The following CD84 variants were observed in gnomAD, a reference collection of about 807,000 sequenced individuals.
CD84 encodes SLAM family member 5.
In CD84, 22 loss-of-function variants were observed where a neutral mutation model predicts 33.8. That is an observed-to-expected ratio of 0.65 (90% CI 0.46 to 0.93). The LOEUF (loss-of-function observed/expected upper bound fraction) is 0.93. Among genes scored for constraint, CD84 ranks in the 40% least tolerant of loss-of-function variants. The pLI, the probability that CD84 is intolerant of heterozygous loss-of-function variation, is 0.00. For missense variants in CD84, 400 were observed against 397.6 expected, an observed-to-expected ratio of 1.01 and a Z score of -0.05; for synonymous variants, 154 against 145.2, an observed-to-expected ratio of 1.06 and a Z score of -0.44.
At chr1:160,562,246 G>A (rs1657019331) in intron 2 of CD84, among the ~76,000 whole-genome samples, 1 of 151,582 alleles carries the variant, frequency 6.6e-6, no homozygotes, top group Non-Finnish European at 1.5e-5. Flanking sequence ...TCATATGGAT[G>A]AAAAAGAGCC....
intron 1 of CD84, among the ~76,000 whole-genome samples, chr1:160,577,886 A>G (rs951409110): frequency 2.0e-5 from 3 of 152,196 alleles, no homozygotes; most frequent in African/African-American, 7.2e-5. Context: ...ACAATTCACT[A>G]CTAGCTGATT....
chr1:160,571,895 T>C lies in CD84; in HGVS notation c.47-6150A>G, dbSNP rs1222762648. On this transcript the variant is annotated intron_variant, in intron 1 of 6. Coordinates refer to ENST00000368054, the MANE Select transcript of CD84 (RefSeq NM_003874.4). ...CTCTGGTATGCAGAACAGCACAAGA[T>C]ACACAGGCTACTAATGCTTGTCATG... Among the ~76,000 whole-genome samples, 5 of 151,992 alleles carry C rather than the reference T, an allele frequency of 3.3e-5. 1 individual carries two copies. The highest frequency in any genetic ancestry group is 7.4e-5 in the Non-Finnish European group (5 of 68,000).
chr1:160,563,684 T>C (rs1484392927), intron 2 of CD84, among the ~76,000 whole-genome samples: 2 of 152,148 alleles, frequency 1.3e-5, no homozygotes, highest in Admixed American at 6.5e-5. Flanking sequence ...CAAACCACCA[T>C]GGCACACATT....
rs763772295 is a variant in CD84, at chr1:160,553,893, A to G, written c.640+2T>C. The G allele has an allele frequency of 6.2e-7, 1 of 1,614,196 alleles. No homozygotes were observed. The highest frequency in any genetic ancestry group is 1.7e-5 in the Admixed American group (1 of 60,024). On this transcript the variant is annotated splice_donor_variant, in intron 3 of 6. Coordinates refer to ENST00000368054, the MANE Select transcript of CD84 (RefSeq NM_003874.4). LOFTEE classifies it high-confidence loss of function. ...CCAGGAGAGATGGGCAGAGCTGGTT[A>G]CCTGCACAGAGCTGCCGGGCAGAGA...
intron 3 of CD84, 105 bp from the exon 4 acceptor site, chr1:160,553,602 G>T: frequency 2.2e-6 from 3 of 1,337,012 alleles, no homozygotes; most frequent in Non-Finnish European, 2.1e-6. Flanking sequence ...GGTGCCCTCC[G>T]AAGGAGTGCC....
rs1655711348 is a variant in CD84 at position 160,544,462 on chromosome 1, A to G, written c.*3794T>C. On this transcript the variant is annotated 3_prime_UTR_variant, in exon 7 of 7. Coordinates refer to ENST00000368054, the MANE Select transcript of CD84 (RefSeq NM_003874.4). ...GCCTGGCCTTCAAGCTTCATTTTACAATCAGTAGACACTGTCACTAATTAT... is the reference window on the plus strand; with the variant it reads ...GCCTGGCCTTCAAGCTTCATTTTACGATCAGTAGACACTGTCACTAATTAT... 6.6e-6 allele frequency: 1 copy of G among 152,174 alleles called. No individual in the cohort carries two copies. Among genetic ancestry groups the G allele is most frequent in the Non-Finnish European group, 1.5e-5 (1 of 68,040 alleles). The allele number at this position is 152,174 out of a possible 1,614,324, so 9.4% of individuals were successfully genotyped here. A position where few individuals can be genotyped will look rare whatever the true frequency, so the allele number is the denominator to read the frequency against.
intron 1 of CD84, among the ~76,000 whole-genome samples, chr1:160,567,701 T>A (rs775621017): frequency 6.6e-6 from 1 of 151,960 alleles, no homozygotes; most frequent in Admixed American, 6.6e-5. Context: ...AAATAAGCCA[T>A]TGGGGTAGCG....
chr1:160,557,265 G>A (rs993393216), intron 2 of CD84, among the ~76,000 whole-genome samples: 1 of 152,122 alleles, frequency 6.6e-6, no homozygotes, highest in Non-Finnish European at 1.5e-5. Flanking sequence ...GCTGTCCATC[G>A]GTATAGAAAC....
In CD84 at chr1:160,565,519, G is replaced by A. The variant is rs41266919; in HGVS notation, c.273C>T (p.Asn91=). 4,039 of 1,614,020 alleles carry A rather than the reference G, an allele frequency of 2.5e-3. 9 individuals are homozygous for A. Among genetic ancestry groups the A allele is most frequent in the Middle Eastern group, 3.8e-3 (23 of 6,060 alleles). ...TCAGATCGCTAATGACCAGATTGTA[G>A]TTCGGACCTAAGGCATGTATCCGTT... ...YYERIHALGP[N]YNLVISDLRM... The change falls in exon 2 of 7, where the codon AAC becomes AAT. Residue 91 remains asparagine, a synonymous_variant. Transcript: ENST00000368054.
rs376866040 is a variant in CD84, at chr1:160,549,909, G to A, written c.921+8C>T. 6.2e-6 allele frequency: 10 copies of A among 1,603,964 alleles called. No individual in the cohort carries two copies. Among genetic ancestry groups the A allele is most frequent in the South Asian group, 1.1e-5 (1 of 90,884 alleles). ...GAAAGCAAGGATAAAAAGCCAGAAA[G>A]GGGTTACCTTATCAGCAAACTGCAC... On this transcript the variant is annotated splice_region_variant and intron_variant, in intron 6 of 6. Coordinates refer to ENST00000368054, the MANE Select transcript of CD84 (RefSeq NM_003874.4).
intron 1 of CD84, among the ~76,000 whole-genome samples, chr1:160,569,823 A>T (rs1271075569): frequency 6.6e-6 from 1 of 152,192 alleles, no homozygotes; most frequent in Non-Finnish European, 1.5e-5. Flanking sequence ...TGTTAATTGG[A>T]TGAATATAGA....
At chr1:160,560,729 A>G (rs1656897262) in intron 2 of CD84, among the ~76,000 whole-genome samples, 2 of 152,272 alleles carry the variant, frequency 1.3e-5, no homozygotes. Flanking sequence ...AAAAATGAGA[A>G]AAATAGAGAG....
chr1:160,554,147 C>T lies in CD84; in HGVS notation c.389-1G>A, dbSNP rs1328390115. On this transcript the variant is annotated splice_acceptor_variant, in intron 2 of 6. Transcript: ENST00000368054. LOFTEE classifies it high-confidence loss of function. Reference sequence around the variant, plus strand: ...GTAATTTTTGGTTTCCCAAGCCGACCTGTGGGGGCAAACACATGAGCCAAT... The same window carrying T: ...GTAATTTTTGGTTTCCCAAGCCGACTTGTGGGGGCAAACACATGAGCCAAT... 6.2e-7 allele frequency: 1 copy of T among 1,607,724 alleles called. No homozygotes were observed. Among genetic ancestry groups the T allele is most frequent in the South Asian group, 1.1e-5 (1 of 89,936 alleles).
At chr1:160,558,963 C>T (rs1656779348) in intron 2 of CD84, among the ~76,000 whole-genome samples, 1 of 152,088 alleles carries the variant, frequency 6.6e-6, no homozygotes. Flanking sequence ...ATGAAACCTC[C>T]AAGACATATG....
intron 1 of CD84, among the ~76,000 whole-genome samples, chr1:160,568,771 C>A (rs1301013205): frequency 6.6e-6 from 1 of 152,132 alleles, no homozygotes; most frequent in Admixed American, 6.6e-5. Context: ...CAGGTGCATG[C>A]CATCACGGCT....
rs1396324821 is a variant in CD84, at chr1:160,543,431, G to C, written c.*4825C>G. On this transcript the variant is annotated 3_prime_UTR_variant, in exon 7 of 7. Transcript: ENST00000368054. ...CTTCCCAGCTTTCCAGATTTGCCAA[G>C]GTATTCATATGTCAGCCTTAGTGTT... 2 of 151,934 alleles carry C rather than the reference G, an allele frequency of 1.3e-5. No homozygotes were observed. Among genetic ancestry groups the C allele is most frequent in the African/African-American group, 4.8e-5 (2 of 41,372 alleles). 9.4% of individuals were successfully genotyped at this position (151,934 alleles called of 1,614,324 possible).
rs1331120514 is a variant in CD84 at position 160,546,470 on chromosome 1, G to A, written c.*1786C>T. ...TACCAGGGAAAGCTTTACAGAAGAG[G>A]TACCTTTTGAGGTGGGCATTGAAGG... On this transcript the variant is annotated 3_prime_UTR_variant, in exon 7 of 7. Coordinates refer to ENST00000368054, the MANE Select transcript of CD84 (RefSeq NM_003874.4). 2.0e-5 allele frequency: 3 copies of A among 152,230 alleles called. No individual in the cohort carries two copies. Among genetic ancestry groups the A allele is most frequent in the African/African-American group, 7.2e-5 (3 of 41,446 alleles). 9.4% of individuals were successfully genotyped at this position (152,230 alleles called of 1,614,324 possible). A position where few individuals can be genotyped will look rare whatever the true frequency, so the allele number is the denominator to read the frequency against.
At chr1:160,572,818 T>A (rs1038665344) in intron 1 of CD84, among the ~76,000 whole-genome samples, 5 of 151,988 alleles carry the variant, frequency 3.3e-5, no homozygotes, top group African/African-American at 1.2e-4. Context: ...AACCCTGGGG[T>A]GCAGGCTTAG....
intron 2 of CD84, among the ~76,000 whole-genome samples, chr1:160,555,081 C>CTTTT (rs35518975): frequency 7.2e-6 from 1 of 138,522 alleles, no homozygotes; most frequent in African/African-American, 2.7e-5. Context: ...ATGAAATAAT[C>CTTTT]TTTTTTTTTT....
Sources: allele counts gnomAD v4.1 joint callset (sites outside exome capture counted in the v4.1 genomes callset), GRCh38; gene constraint gnomAD v4.1.1; transcripts MANE v1.5; gene names NCBI Gene and HGNC (gene_info 2026-07-23, HGNC 2026-07-21).